The following ATP10A variants were observed in gnomAD, a reference collection of about 807,000 sequenced individuals.
ATP10A encodes phospholipid-transporting ATPase VA.
A neutral mutation model predicts 147.8 loss-of-function variants in ATP10A; 111 were observed. The ratio of observed to expected loss-of-function variants is 0.75; its 90% CI spans 0.64 to 0.88. ATP10A has a LOEUF of 0.88. ATP10A is among the 40% of genes least tolerant of loss of function. ATP10A has a pLI of 0.00. For missense variants in ATP10A, 1,927 were observed against 1,959.0 expected, an observed-to-expected ratio of 0.98 and a Z score of 0.31; for synonymous variants, 875 against 841.6, an observed-to-expected ratio of 1.04 and a Z score of -0.69.
At chr15:25,772,958 T>C (rs1889413909) in intron 2 of ATP10A, among the ~76,000 whole-genome samples, 1 of 152,156 alleles carries the variant, frequency 6.6e-6, no homozygotes, top group East Asian at 1.9e-4. Flanking sequence ...GTTCACGAAG[T>C]CATTTCCTTG....
chr15:25,822,316 A>G (rs141866861), intron 1 of ATP10A, among the ~76,000 whole-genome samples: 2 of 152,316 alleles, frequency 1.3e-5, no homozygotes, highest in Non-Finnish European at 2.9e-5. Context: ...GTTCGGTAGT[A>G]CTTCTGAAAA....
At chr15:25,737,864 G>A (rs1430910449) in intron 2 of ATP10A, among the ~76,000 whole-genome samples, 1 of 152,116 alleles carries the variant, frequency 6.6e-6, no homozygotes, top group Admixed American at 6.5e-5. Context: ...ACAGAGGGGA[G>A]ATCATGCAAG....
intron 2 of ATP10A, among the ~76,000 whole-genome samples, chr15:25,776,678 G>A (rs967641561): frequency 2.0e-5 from 3 of 152,200 alleles, no homozygotes; most frequent in East Asian, 1.9e-4. Context: ...TTAAGGTCCC[G>A]GAGCCATCAG....
At position 25,679,808 on chromosome 15, in the gene ATP10A, T is replaced by C; in HGVS notation, c.4033A>G (p.Lys1345Glu). Reference sequence around the variant, plus strand: ...GGCTGGGACAGGGGCACAGAGGTCTTGACTGTCCTCCCTGATGAGTGCTCG... The same window carrying C: ...GGCTGGGACAGGGGCACAGAGGTCTCGACTGTCCTCCCTGATGAGTGCTCG... The part of the protein sequence containing the change: ...GTEHSSGRTV[K>E]TSVPLSQPSW... Residue 1345 changes from lysine (K) to glutamate (E), a missense_variant, in exon 21 of 21, where the codon AAG (lysine) becomes GAG (glutamate). Transcript: ENST00000555815. The C allele has an allele frequency of 6.2e-7, 1 of 1,612,586 alleles. No homozygotes were observed. The highest frequency in any genetic ancestry group is 8.5e-7 in the Non-Finnish European group (1 of 1,179,890).
chr15:25,762,066 C>T (rs113550653), intron 2 of ATP10A, among the ~76,000 whole-genome samples: 4 of 152,058 alleles, frequency 2.6e-5, no homozygotes, highest in African/African-American at 4.8e-5. Context: ...GGGTCGGTTC[C>T]CCCCATGCTG....
In ATP10A at chr15:25,691,696, TAGCC is replaced by T; in HGVS notation, c.3165+15_3165+18del. The T allele has an allele frequency of 5.6e-6, 9 of 1,613,906 alleles. No individual in the cohort carries two copies. Among genetic ancestry groups the T allele is most frequent in the Non-Finnish European group, 7.6e-6 (9 of 1,179,782 alleles). On this transcript the variant is annotated intron_variant, in intron 15 of 20. Transcript: ENST00000555815. ...AGTAGGGCCAATTGGTCACACAGAATAGCCTGATTGGTCTTTACCTGCATACCCT... is the reference window on the plus strand; with the variant it reads ...AGTAGGGCCAATTGGTCACACAGAATTGATTGGTCTTTACCTGCATACCCT...
At position 25,716,877 on chromosome 15, in the gene ATP10A, C is replaced by T. The variant is rs542291702; in HGVS notation, c.1629G>A (p.Glu543=). The T allele has an allele frequency of 1.9e-6, 3 of 1,603,884 alleles. No homozygotes were observed. Among genetic ancestry groups the T allele is most frequent in the South Asian group, 1.1e-5 (1 of 89,476 alleles). ...PDPKLLEKVS[E]CDKSLAVARH... is the part of the protein sequence containing the mutation. ...TCGCCACGGCTAGGCTCTTGTCACA[C>T]TCACTCACCTTCTCCAGCAGCTTTG... Residue 543 remains glutamate, a synonymous_variant, in exon 9 of 21, where the codon GAG becomes GAA. Coordinates refer to ENST00000555815, the MANE Select transcript of ATP10A (RefSeq NM_024490.4).
chr15:25,821,902 ACT>A (rs1268285870), intron 1 of ATP10A, among the ~76,000 whole-genome samples: 3 of 152,200 alleles, frequency 2.0e-5, no homozygotes, highest in Admixed American at 6.5e-5. Context: ...TACAGGAAAT[ACT>A]GTGTACCTTT....
At chr15:25,696,406 T>C (rs1221053057) in intron 13 of ATP10A, among the ~76,000 whole-genome samples, 2 of 152,146 alleles carry the variant, frequency 1.3e-5, no homozygotes, top group Admixed American at 1.3e-4. Flanking sequence ...TGGCAGTAAC[T>C]GGGGAAGGCC....
At chr15:25,712,536 A>T (rs1567322478) in intron 10 of ATP10A, among the ~76,000 whole-genome samples, 1 of 151,552 alleles carries the variant, frequency 6.6e-6, no homozygotes, top group Non-Finnish European at 1.5e-5. Context: ...AATAAGAGAG[A>T]TTTTTTTTTG....
intron 1 of ATP10A, among the ~76,000 whole-genome samples, chr15:25,820,429 A>C (rs1458258655): frequency 1.3e-5 from 2 of 152,216 alleles, no homozygotes; most frequent in South Asian, 4.1e-4. Context: ...GAAACACAGT[A>C]TACCATACTG....
chr15:25,716,782 A>G lies in ATP10A; in HGVS notation c.1724T>C (p.Leu575Pro). 1 of 1,607,522 alleles carries G rather than the reference A, an allele frequency of 6.2e-7. No homozygotes were observed. The highest frequency in any genetic ancestry group is 1.1e-5 in the South Asian group (1 of 89,908). Residue 575 changes from leucine to proline, a missense_variant, in exon 9 of 21, where the codon CTC (leucine) becomes CCC (proline). Transcript: ENST00000555815. ...LSDVFDFFIA[L>P]TICNTVVVTS... ...GACGACGACTGTGTTGCAGATGGTG[A>G]GTGCGATGAAGAAATCAAAGACGTC...
chr15:25,701,971 G>A lies in ATP10A; in HGVS notation c.2705C>T (p.Ala902Val). The A allele has an allele frequency of 3.1e-6, 5 of 1,613,914 alleles. No individual in the cohort carries two copies. The highest frequency in any genetic ancestry group is 4.2e-6 in the Non-Finnish European group (5 of 1,179,894). ...KQETAVNIAY[A>V]CKLLDHDEEV... Reference sequence around the variant, plus strand: ...CTCGTCGTGGTCCAGCAGTTTGCAGGCATATGCAATGTTGACAGCTGTTTC... The same window carrying A: ...CTCGTCGTGGTCCAGCAGTTTGCAGACATATGCAATGTTGACAGCTGTTTC... Residue 902 changes from alanine to valine, a missense_variant, in exon 13 of 21, where the codon GCC becomes GTC. Transcript: ENST00000555815.
rs1353949737 is a variant in ATP10A at position 25,862,800 on chromosome 15, G to T, written c.297C>A (p.Phe99Leu). Residue 99 changes from phenylalanine (F) to leucine (L), a missense_variant, in exon 1 of 21, where the codon TTC becomes TTA. By Grantham distance (22) the Phe-to-Leu change is conservative. Coordinates refer to ENST00000555815, the MANE Select transcript of ATP10A (RefSeq NM_024490.4). Reference sequence around the variant, plus strand: ...GCTGGAAGGCGTTCACCGCCGGCACGAAGTTGAGCAGCGCGATGAAGACAA... The same window carrying T: ...GCTGGAAGGCGTTCACCGCCGGCACTAAGTTGAGCAGCGCGATGAAGACAA... ...VYFVFIALLN[F>L]VPAVNAFQPG... 6.2e-7 allele frequency: 1 copy of T among 1,610,544 alleles called. No individual in the cohort carries two copies. The highest frequency in any genetic ancestry group is 8.5e-7 in the Non-Finnish European group (1 of 1,178,392).
At chr15:25,775,882 C>G (rs1005980546) in intron 2 of ATP10A, among the ~76,000 whole-genome samples, 12 of 152,258 alleles carry the variant, frequency 7.9e-5, no homozygotes, top group African/African-American at 2.9e-4. Context: ...CGCCTCACCC[C>G]GGCTGAAATT....
chr15:25,745,537 C>T (rs1026251269), intron 2 of ATP10A, among the ~76,000 whole-genome samples: 17 of 151,948 alleles, frequency 1.1e-4, no homozygotes. Context: ...GCCTGGGCAA[C>T]AGAGCAAGAC....
At chr15:25,761,615 A>G (rs1418772766) in intron 2 of ATP10A, among the ~76,000 whole-genome samples, 7 of 152,252 alleles carry the variant, frequency 4.6e-5, no homozygotes, top group African/African-American at 9.6e-5. Context: ...GATGTGAGAC[A>G]TGGAGTCAAA....
At chr15:25,704,821 G>A (rs1296575062) in intron 12 of ATP10A, among the ~76,000 whole-genome samples, 1 of 152,174 alleles carries the variant, frequency 6.6e-6, no homozygotes, top group Non-Finnish European at 1.5e-5. Context: ...GTGACTCTGA[G>A]TAAATGCCAC....
intron 12 of ATP10A, among the ~76,000 whole-genome samples, chr15:25,705,986 G>A (rs1435026804): frequency 6.6e-6 from 1 of 152,200 alleles, no homozygotes; most frequent in Non-Finnish European, 1.5e-5. Flanking sequence ...GAGGATGACA[G>A]CGGGATGTGG....
Sources: allele counts gnomAD v4.1 joint callset (sites outside exome capture counted in the v4.1 genomes callset), GRCh38; gene constraint gnomAD v4.1.1; transcripts MANE v1.5; gene names NCBI Gene and HGNC (gene_info 2026-07-23, HGNC 2026-07-21).